CELF2: variants seen among roughly 807,000 people sequenced by gnomAD.
CELF2 encodes the protein CUGBP Elav-like family member 2, also known as CUG triplet repeat RNA-binding protein 2.
Under a neutral mutation model 62.6 loss-of-function variants are expected in CELF2, and 8 were observed. That is an observed-to-expected ratio of 0.13 (90% CI 0.07 to 0.23). The LOEUF (loss-of-function observed/expected upper bound fraction) is 0.23. Among genes scored for constraint, CELF2 ranks in the 10% least tolerant of loss-of-function variants. CELF2 has a pLI of 1.00. For synonymous variants in CELF2, 258 were observed against 250.0 expected (o/e 1.03, Z -0.30); for missense variants, 333 against 671.0 (o/e 0.50, Z 5.56).
intron 1 of CELF2, among the ~76,000 whole-genome samples, chr10:11,142,096 C>A (rs889715907): frequency 6.6e-6 from 1 of 152,312 alleles, no homozygotes; most frequent in African/African-American, 2.4e-5. Context: ...GAGATGAAAA[C>A]ATCTGAGATT....
the CELF2 span, among the ~76,000 whole-genome samples, chr10:10,620,336 G>A: frequency 1.7e-3 from 265 of 151,626 alleles, no homozygotes; most frequent in African/African-American, 6.1e-3. Context: ...AAAAGAACAC[G>A]TGAGGCTGAG....
intron 2 of CELF2, among the ~76,000 whole-genome samples, chr10:11,195,756 T>C (rs2057293525): frequency 6.6e-6 from 1 of 152,210 alleles, no homozygotes; most frequent in South Asian, 2.1e-4. Flanking sequence ...TGGTGTTTTA[T>C]AGGAACTGGC....
the CELF2 span, among the ~76,000 whole-genome samples, chr10:10,539,891 T>A: frequency 1.3e-5 from 2 of 152,234 alleles, no homozygotes; most frequent in African/African-American, 4.8e-5. Context: ...GCATAGGGCA[T>A]CTTTTCTAGA....
At chr10:10,507,166 C>G in the CELF2 span, among the ~76,000 whole-genome samples, 2 of 152,104 alleles carry the variant, frequency 1.3e-5, no homozygotes, top group Non-Finnish European at 2.9e-5. Context: ...CCTTCCTTTT[C>G]TTTCTTTTTC....
the CELF2 span, among the ~76,000 whole-genome samples, chr10:10,542,423 AC>A: frequency 3.3e-5 from 5 of 152,350 alleles, no homozygotes; most frequent in East Asian, 9.6e-4. Flanking sequence ...ATGAAGACAG[AC>A]AAAGGCTACT....
chr10:11,070,153 A>G (rs2069416817), intron 1 of CELF2, among the ~76,000 whole-genome samples: 2 of 152,138 alleles, frequency 1.3e-5, no homozygotes, highest in South Asian at 4.1e-4. Context: ...TCCATTGGTG[A>G]TGACCCTTTT....
At chr10:11,125,324 T>G (rs552733827) in intron 1 of CELF2, among the ~76,000 whole-genome samples, 8 of 152,268 alleles carry the variant, frequency 5.3e-5, no homozygotes, top group African/African-American at 1.9e-4. Context: ...TCTAAACTTT[T>G]GAGAGCTAGG....
intron 1 of CELF2, among the ~76,000 whole-genome samples, chr10:10,816,415 C>T (rs2056467350): frequency 6.6e-6 from 1 of 152,156 alleles, no homozygotes; most frequent in South Asian, 2.1e-4. Context: ...TCTAACCTAC[C>T]TGATTACAGC....
chr10:11,327,811 A>G (rs2095834993), intron 12 of CELF2, among the ~76,000 whole-genome samples: 1 of 152,232 alleles, frequency 6.6e-6, no homozygotes, highest in Admixed American at 6.5e-5. Flanking sequence ...AACTGGGCAG[A>G]AAAGTCATGT....
chr10:10,765,530 T>G, the CELF2 span, among the ~76,000 whole-genome samples: 1 of 152,162 alleles, frequency 6.6e-6, no homozygotes, highest in Non-Finnish European at 1.5e-5. Flanking sequence ...CAATTGGGCT[T>G]TATTGCTGTG....
the CELF2 span, among the ~76,000 whole-genome samples, chr10:10,690,708 C>T: frequency 6.6e-6 from 1 of 152,136 alleles, no homozygotes; most frequent in Non-Finnish European, 1.5e-5. Flanking sequence ...GGTGAAACCC[C>T]ATCTCTACTA....
Position 11,331,282 on chromosome 10 carries a change from CAAAAAAAAA to C in CELF2, c.*2235_*2243del, listed in dbSNP as rs548586033. On this transcript the variant is annotated 3_prime_UTR_variant, in exon 13 of 13. Coordinates refer to ENST00000633077, the MANE Select transcript of CELF2 (RefSeq NM_001326342.2). ...AAGTTTAGAATTGGTTTACTTAATA[CAAAAAAAAA>C]AAAAAGAATTTCAAAAAAAAAAGTT... 4 of 50,692 alleles carry C rather than the reference CAAAAAAAAA, an allele frequency of 7.9e-5. No individual in the cohort carries two copies. Among genetic ancestry groups the C allele is most frequent in the African/African-American group, 2.5e-4 (4 of 16,172 alleles). The allele number at this position is 50,692 out of a possible 1,614,324, so 3.1% of individuals were successfully genotyped here.
At chr10:10,727,273 G>A in the CELF2 span, among the ~76,000 whole-genome samples, 7 of 152,228 alleles carry the variant, frequency 4.6e-5, no homozygotes, top group Admixed American at 1.3e-4. Context: ...TCCCTCTAAG[G>A]GTTTCATCTG....
chr10:10,813,397 A>C (rs1564656696), intron 1 of CELF2, among the ~76,000 whole-genome samples: 1 of 152,238 alleles, frequency 6.6e-6, no homozygotes, highest in Admixed American at 6.5e-5. Flanking sequence ...ACAAATGTCC[A>C]AGTCAGAAAG....
At chr10:10,791,978 G>A in the CELF2 span, among the ~76,000 whole-genome samples, 9 of 150,360 alleles carry the variant, frequency 6.0e-5, no homozygotes, top group Non-Finnish European at 8.8e-5. Context: ...GGGAATCGAA[G>A]GGAGAAGGAA....
intron 1 of CELF2, among the ~76,000 whole-genome samples, chr10:11,146,163 CTT>C (rs1364881418): frequency 6.6e-6 from 1 of 152,234 alleles, no homozygotes; most frequent in Non-Finnish European, 1.5e-5. Context: ...AACCCTCCCT[CTT>C]TTCCATTTAC....
chr10:10,667,215 A>G, the CELF2 span, among the ~76,000 whole-genome samples: 1 of 152,246 alleles, frequency 6.6e-6, no homozygotes, highest in Admixed American at 6.5e-5. Flanking sequence ...ATTACTACTC[A>G]GACAGCTGAC....
the CELF2 span, among the ~76,000 whole-genome samples, chr10:10,502,389 A>C: frequency 1.3e-5 from 2 of 152,006 alleles, no homozygotes; most frequent in African/African-American, 4.8e-5. Context: ...TTCTCCAATG[A>C]AACCCTCTGG....
intron 1 of CELF2, among the ~76,000 whole-genome samples, chr10:10,838,225 G>A (rs1413521823): frequency 1.3e-5 from 2 of 152,102 alleles, no homozygotes; most frequent in Non-Finnish European, 2.9e-5. Context: ...GACTACACTG[G>A]GATTATGGGT....
Sources: allele counts gnomAD v4.1 joint callset (sites outside exome capture counted in the v4.1 genomes callset), GRCh38; gene constraint gnomAD v4.1.1; transcripts MANE v1.5; gene names NCBI Gene and HGNC (gene_info 2026-07-23, HGNC 2026-07-21).